CTNND2: variants seen among roughly 807,000 people sequenced by gnomAD.
The protein encoded by CTNND2 is catenin delta 2, also known as catenin delta-2.
Under a neutral mutation model 144.4 loss-of-function variants are expected in CTNND2, and 22 were observed. The observed-to-expected ratio is 0.15, with a 90% CI of 0.11 to 0.22. The LOEUF (loss-of-function observed/expected upper bound fraction) is 0.22. CTNND2 is among the 10% of genes least tolerant of loss of function. The probability of loss-of-function intolerance (pLI) is 1.00; values close to 1 mark genes in which losing one functional copy is unlikely to be tolerated. For missense variants in CTNND2, 1,353 were observed against 1,618.8 expected, an observed-to-expected ratio of 0.84 and a Z score of 2.82; for synonymous variants, 751 against 695.6, an observed-to-expected ratio of 1.08 and a Z score of -1.25.
intron 1 of CTNND2, among the ~76,000 whole-genome samples, chr5:11,881,240 T>C (rs575746914): frequency 2.0e-5 from 3 of 152,106 alleles, no homozygotes; most frequent in Admixed American, 1.3e-4. Flanking sequence ...TGTGTAGTGA[T>C]CAAATTAGAG....
chr5:11,499,726 GT>G (rs1036272456), intron 3 of CTNND2, among the ~76,000 whole-genome samples: 4 of 151,736 alleles, frequency 2.6e-5, no homozygotes, highest in Non-Finnish European at 4.4e-5. Flanking sequence ...TTGTCTCAAA[GT>G]TTTTTTTACA....
chr5:11,145,957 C>A (rs899634419), intron 12 of CTNND2, among the ~76,000 whole-genome samples: 1 of 152,170 alleles, frequency 6.6e-6, no homozygotes, highest in Non-Finnish European at 1.5e-5. Context: ...CATCTCTCTG[C>A]GCCTTCACCG....
chr5:11,410,102 T>C (rs1761393508), intron 5 of CTNND2, among the ~76,000 whole-genome samples: 1 of 152,150 alleles, frequency 6.6e-6, no homozygotes, highest in Non-Finnish European at 1.5e-5. Context: ...GCTAATAAGA[T>C]GAATGCATGT....
At chr5:11,875,054 T>G (rs955211406) in intron 1 of CTNND2, among the ~76,000 whole-genome samples, 1 of 152,230 alleles carries the variant, frequency 6.6e-6, no homozygotes, top group Non-Finnish European at 1.5e-5. Context: ...TGACCTCATA[T>G]AGTAATCATG....
chr5:11,315,530 A>C (rs1399590411), intron 9 of CTNND2, among the ~76,000 whole-genome samples: 1 of 152,220 alleles, frequency 6.6e-6, no homozygotes, highest in Non-Finnish European at 1.5e-5. Flanking sequence ...ATTTAATTTA[A>C]GGTAAATTAA....
chr5:10,995,381 A>G (rs1184525011), intron 18 of CTNND2, among the ~76,000 whole-genome samples: 2 of 151,744 alleles, frequency 1.3e-5, no homozygotes, highest in Non-Finnish European at 2.9e-5. Flanking sequence ...TGAGGAGGAG[A>G]AGGAGACCAA....
chr5:11,195,584 T>G (rs146829914), intron 11 of CTNND2, among the ~76,000 whole-genome samples: 1 of 152,222 alleles, frequency 6.6e-6, no homozygotes, highest in Non-Finnish European at 1.5e-5. Flanking sequence ...GGAAAGGCCA[T>G]CTGGATATGC....
chr5:11,672,479 C>T (rs968445630), intron 2 of CTNND2, among the ~76,000 whole-genome samples: 14 of 152,160 alleles, frequency 9.2e-5, no homozygotes, highest in African/African-American at 2.9e-4. Flanking sequence ...AGATGCCTTG[C>T]CCAGCAAGGA....
intron 17 of CTNND2, among the ~76,000 whole-genome samples, chr5:11,021,057 T>G (rs1742199402): frequency 6.6e-6 from 1 of 152,242 alleles, no homozygotes; most frequent in South Asian, 2.1e-4. Flanking sequence ...ATAGATGGTT[T>G]CTTCAAGTGA....
At chr5:11,893,104 G>C (rs1446597939) in intron 1 of CTNND2, among the ~76,000 whole-genome samples, 1 of 152,154 alleles carries the variant, frequency 6.6e-6, no homozygotes, top group Non-Finnish European at 1.5e-5. Flanking sequence ...GATTTATCAG[G>C]CCACAAGGAA....
intron 2 of CTNND2, among the ~76,000 whole-genome samples, chr5:11,619,518 G>A (rs1780736452): frequency 6.6e-6 from 1 of 151,998 alleles, no homozygotes; most frequent in Non-Finnish European, 1.5e-5. Context: ...AGTCCTAGTG[G>A]GTTACTCATT....
chr5:11,770,565 C>T (rs1390004192), intron 1 of CTNND2, among the ~76,000 whole-genome samples: 1 of 152,060 alleles, frequency 6.6e-6, no homozygotes, highest in Non-Finnish European at 1.5e-5. Context: ...CTCATGCCTG[C>T]ACAGTGATCA....
chr5:11,829,963 G>A (rs1265251668), intron 1 of CTNND2, among the ~76,000 whole-genome samples: 1 of 152,232 alleles, frequency 6.6e-6, no homozygotes, highest in Admixed American at 6.5e-5. Flanking sequence ...TGACCTGGAT[G>A]TGAGACATGG....
In CTNND2 at chr5:11,382,647, AG is replaced by A. The variant is rs558370921; in HGVS notation, c.1177+2017del. ...TGTGTGTGTGTGTGTGTGTGTGTGT[AG>A]AATGATGAATTAGTGAAAGTCACTA... On this transcript the variant is annotated intron_variant, in intron 7 of 21. Transcript: ENST00000304623. 5.0e-3 allele frequency among the ~76,000 whole-genome samples: 658 copies of A among 131,018 alleles called. 7 individuals carry two copies. Among genetic ancestry groups the A allele is most frequent in the African/African-American group, 0.02 (637 of 31,332 alleles). 86.0% of individuals were successfully genotyped at this position (131,018 alleles called of 152,430 possible).
intron 2 of CTNND2, among the ~76,000 whole-genome samples, chr5:11,686,632 T>C (rs758112095): frequency 5.9e-5 from 9 of 151,944 alleles, no homozygotes; most frequent in Non-Finnish European, 1.2e-4. Flanking sequence ...TGATGAATAG[T>C]AGAAGGAGAA....
intron 6 of CTNND2, among the ~76,000 whole-genome samples, chr5:11,392,786 G>A (rs765487251): frequency 2.0e-5 from 3 of 152,036 alleles, no homozygotes; most frequent in African/African-American, 7.3e-5. Context: ...GTTGCATAGT[G>A]TATACATTTA....
intron 2 of CTNND2, among the ~76,000 whole-genome samples, chr5:11,602,642 T>C (rs1217094062): frequency 6.8e-6 from 1 of 147,276 alleles, no homozygotes; most frequent in Non-Finnish European, 1.5e-5. Context: ...TCTCTAGATA[T>C]ATGTAAAATA....
intron 11 of CTNND2, among the ~76,000 whole-genome samples, chr5:11,167,868 CTTTT>C (rs762392790): frequency 1.6e-5 from 2 of 129,010 alleles, no homozygotes; most frequent in Non-Finnish European, 3.3e-5. Flanking sequence ...CCATACCTGA[CTTTT>C]TTTTTTTTTT....
chr5:11,850,261 T>C (rs1040554633), intron 1 of CTNND2, among the ~76,000 whole-genome samples: 1 of 152,072 alleles, frequency 6.6e-6, no homozygotes, highest in South Asian at 2.1e-4. Flanking sequence ...CAAAACTCCA[T>C]GGAAATGAGA....
Sources: allele counts gnomAD v4.1 joint callset (sites outside exome capture counted in the v4.1 genomes callset), GRCh38; gene constraint gnomAD v4.1.1; transcripts MANE v1.5; gene names NCBI Gene and HGNC (gene_info 2026-07-23, HGNC 2026-07-21).